Variants in MAGT1 observed in about 807,000 individuals in gnomAD.
MAGT1 encodes dolichyl-diphosphooligosaccharide--protein glycosyltransferase subunit MAGT1.
In MAGT1, 4 loss-of-function variants were observed where a neutral mutation model predicts 28.4. That is an observed-to-expected ratio of 0.14 (90% CI 0.07 to 0.32). The LOEUF is 0.32. Among genes scored for constraint, MAGT1 ranks in the 10% least tolerant of loss-of-function variants. The probability of loss-of-function intolerance (pLI) is 1.00; values close to 1 mark genes in which losing one functional copy is unlikely to be tolerated. For synonymous variants in MAGT1, 89 were observed against 89.7 expected (o/e 0.99, Z 0.04); for missense variants, 193 against 264.5 (o/e 0.73, Z 1.88).
chrX:77,859,727 T>C (rs1364661200), intron 3 of MAGT1, among the ~76,000 whole-genome samples: 2 of 110,166 alleles, frequency 1.8e-5, no homozygotes, highest in African/African-American at 6.6e-5. Context: ...ATTAGCTGGG[T>C]GTGGTGGTGG....
At chrX:77,850,349 A>G (rs1414833324) in intron 7 of MAGT1, among the ~76,000 whole-genome samples, 1 of 107,658 alleles carries the variant, frequency 9.3e-6, no homozygotes, top group African/African-American at 3.4e-5. Context: ...GGTGGTGCAC[A>G]CTTGTAATTC....
chrX:77,849,482 A>G (rs1603360898), intron 7 of MAGT1, among the ~76,000 whole-genome samples: 1 of 111,486 alleles, frequency 9.0e-6, no homozygotes, highest in East Asian at 2.8e-4. Context: ...GGTGGCAATC[A>G]GGAGGAATGA....
chrX:77,830,432 A>G (rs2076894304), intron 9 of MAGT1, among the ~76,000 whole-genome samples: 1 of 110,814 alleles, frequency 9.0e-6, no homozygotes, highest in African/African-American at 3.3e-5. Context: ...CCTGATCAAC[A>G]TGGTGAAACC....
intron 1 of MAGT1, among the ~76,000 whole-genome samples, chrX:77,886,826 G>T (rs2077069370): frequency 9.0e-6 from 1 of 111,350 alleles, no homozygotes; most frequent in Non-Finnish European, 1.9e-5. Flanking sequence ...ATTCTTATGG[G>T]TTAGGACTAC....
chrX:77,895,561 C>A (rs2077097461), upstream of MAGT1: 3 of 1,024,647 alleles, frequency 2.9e-6, no homozygotes, highest in Non-Finnish European at 3.9e-6. Flanking sequence ...AGCGCGCTGG[C>A]GCTACACGCC....
chrX:77,882,992 TAATTTATATATA>T (rs2077056759), intron 1 of MAGT1, among the ~76,000 whole-genome samples: 1 of 100,880 alleles, frequency 9.9e-6, no homozygotes, highest in African/African-American at 3.6e-5. Flanking sequence ...TTTATATATA[TAATTTATATATA>T]TTTATATATA....
chrX:77,875,088 C>A (rs782566890), intron 2 of MAGT1, among the ~76,000 whole-genome samples: 1 of 109,652 alleles, frequency 9.1e-6, no homozygotes, highest in Non-Finnish European at 1.9e-5. Context: ...GTCTTGAACT[C>A]CTGACCTCAG....
intron 7 of MAGT1, among the ~76,000 whole-genome samples, chrX:77,847,614 T>C (rs1176220522): frequency 9.5e-6 from 1 of 105,181 alleles, no homozygotes; most frequent in Non-Finnish European, 2.0e-5. Context: ...TCTTTCTTTT[T>C]TTTTTTTTTT....
chrX:77,889,361 CAT>C (rs201957924), intron 1 of MAGT1, among the ~76,000 whole-genome samples: 5 of 98,930 alleles, frequency 5.1e-5, no homozygotes, highest in Admixed American at 1.2e-4. Context: ...TATATATGTA[CAT>C]ATATATATAT....
In MAGT1 at chrX:77,826,696, T is replaced by C. The variant is rs1557212948; in HGVS notation, c.*2524A>G. On this transcript the variant is annotated 3_prime_UTR_variant, in exon 10 of 10. Coordinates refer to ENST00000618282, the MANE Select transcript of MAGT1 (RefSeq NM_001367916.1). ...AAAATTGTCATTCTGTCAATGTTCA[T>C]GACAAATTATCTGGAACTATACAGA... 8.9e-6 allele frequency: 1 copy of C among 112,597 alleles called. No homozygotes were observed. The highest frequency in any genetic ancestry group is 1.9e-5 in the Non-Finnish European group (1 of 53,342). 9.3% of individuals were successfully genotyped at this position (112,597 alleles called of 1,213,427 possible). A position where few individuals can be genotyped will look rare whatever the true frequency, so the allele number is the denominator to read the frequency against.
intron 7 of MAGT1, among the ~76,000 whole-genome samples, chrX:77,852,304 G>A (rs1342435003): frequency 8.9e-6 from 1 of 112,459 alleles, no homozygotes; most frequent in Admixed American, 9.5e-5. Flanking sequence ...TGGGCTGGAT[G>A]TGAAGCAGTA....
At chrX:77,869,020 G>C (rs1557217108) in intron 3 of MAGT1, among the ~76,000 whole-genome samples, 1 of 111,669 alleles carries the variant, frequency 9.0e-6, no homozygotes, top group African/African-American at 3.3e-5. Flanking sequence ...AATTCTAGAA[G>C]ATAACATTGT....
intron 1 of MAGT1, among the ~76,000 whole-genome samples, chrX:77,893,577 T>A (rs1033053991): frequency 1.8e-5 from 2 of 112,026 alleles, no homozygotes; most frequent in Non-Finnish European, 3.8e-5. Flanking sequence ...TGCTAAGTTT[T>A]AAAAAGCCTT....
chrX:77,833,259 G>C (rs2076904298), intron 8 of MAGT1, among the ~76,000 whole-genome samples: 1 of 112,102 alleles, frequency 8.9e-6, no homozygotes, highest in Non-Finnish European at 1.9e-5. Flanking sequence ...TCTAGGATTT[G>C]ACATTTTCAG....
chrX:77,837,555 T>C (rs1174675533), intron 8 of MAGT1, among the ~76,000 whole-genome samples: 2 of 110,631 alleles, frequency 1.8e-5, no homozygotes, highest in Non-Finnish European at 3.8e-5. Context: ...CATCCTCCTG[T>C]CCCAGCCTCA....
Position 77,895,386 on chromosome X carries a change from A to G in MAGT1, c.25T>C (p.Cys9Arg). MAARWRFW[C>R]VSVTMVVALL... ...GCCACCACCATGGTCACAGAGACAC[A>G]CCAAAACCGCCAACGCGCTGCCATG... The change falls in exon 1 of 10, where the codon TGT becomes CGT. Residue 9 changes from cysteine (C) to arginine (R), a missense_variant. Physicochemically the swap from Cys to Arg is radical, Grantham distance 180. Transcript: ENST00000618282. 1 of 1,211,899 alleles carries G rather than the reference A, an allele frequency of 8.3e-7. No individual in the cohort carries two copies. The highest frequency in any genetic ancestry group is 1.1e-6 in the Non-Finnish European group (1 of 895,520).
rs1205547369 is a variant in MAGT1 at position 77,878,289 on chromosome X, C to CAA, written c.103-2694_103-2693dup. Among the ~76,000 whole-genome samples the CAA allele has an allele frequency of 6.1e-3, 91 of 14,991 alleles. 1 individual carries two copies. The highest frequency in any genetic ancestry group is 6.7e-3 in the Non-Finnish European group (59 of 8,769). The allele number at this position is 14,991 out of a possible 115,157, so 13.0% of individuals were successfully genotyped here. On this transcript the variant is annotated intron_variant, in intron 1 of 9. Transcript: ENST00000618282. The stretch of plus-strand genomic sequence containing the variant: ...GGGCGACAAGAGCAAAACTCTGATG[C>CAA]AAAAAAAAAAAAAAAAAAAAAAAGA...
At chrX:77,881,605 T>C (rs1365117910) in intron 1 of MAGT1, among the ~76,000 whole-genome samples, 2 of 110,887 alleles carry the variant, frequency 1.8e-5, no homozygotes, top group East Asian at 5.6e-4. Context: ...CATCATTTTT[T>C]ATGGCTGCAT....
At chrX:77,855,831 C>T (rs1391018053) in intron 5 of MAGT1, among the ~76,000 whole-genome samples, 3 of 108,580 alleles carry the variant, frequency 2.8e-5, no homozygotes, top group Admixed American at 1.0e-4. Flanking sequence ...AGTGTAGTGG[C>T]GCGATCTCGG....
Sources: allele counts gnomAD v4.1 joint callset (sites outside exome capture counted in the v4.1 genomes callset), GRCh38; gene constraint gnomAD v4.1.1; transcripts MANE v1.5; gene names NCBI Gene and HGNC (gene_info 2026-07-23, HGNC 2026-07-21).